Variants in MAP3K5 observed in about 807,000 individuals in gnomAD.
MAP3K5 encodes the protein mitogen-activated protein kinase kinase kinase 5.
A neutral mutation model predicts 158.7 loss-of-function variants in MAP3K5; 56 were observed. The ratio of observed to expected loss-of-function variants is 0.35; its 90% CI spans 0.28 to 0.44. The LOEUF is 0.44. Ranked by LOEUF, MAP3K5 falls within the 20% of genes least tolerant of loss-of-function variation. MAP3K5 has a pLI of 1.00. For missense variants in MAP3K5, 1,294 were observed against 1,674.8 expected (o/e 0.77, Z 3.97); for synonymous variants, 579 against 601.7 (o/e 0.96, Z 0.55).
chr6:136,643,833 A>G (rs1778109782), intron 11 of MAP3K5, among the ~76,000 whole-genome samples: 1 of 152,184 alleles, frequency 6.6e-6, no homozygotes, highest in Admixed American at 6.5e-5. Context: ...TTAAAATAGC[A>G]GACTGCAGCC....
At chr6:136,776,401 CA>C (rs1784405348) in intron 1 of MAP3K5, among the ~76,000 whole-genome samples, 1 of 152,120 alleles carries the variant, frequency 6.6e-6, no homozygotes, top group African/African-American at 2.4e-5. Flanking sequence ...TGTACCACCA[CA>C]ACCAGCAAAT....
At chr6:136,612,766 G>A (rs1288815492) in intron 17 of MAP3K5, among the ~76,000 whole-genome samples, 1 of 151,904 alleles carries the variant, frequency 6.6e-6, no homozygotes, top group Non-Finnish European at 1.5e-5. Flanking sequence ...TAGCTACTAT[G>A]GGCAAGGATA....
At chr6:136,683,604 T>C (rs1780025186) in intron 7 of MAP3K5, among the ~76,000 whole-genome samples, 1 of 152,246 alleles carries the variant, frequency 6.6e-6, no homozygotes, top group Non-Finnish European at 1.5e-5. Flanking sequence ...ACTTGCAATA[T>C]GCCAAGAGCA....
At position 136,557,683 on chromosome 6, in the gene MAP3K5, G is replaced by T. The variant is rs538134839; in HGVS notation, c.*75C>A. 8.3e-5 allele frequency: 88 copies of T among 1,059,280 alleles called. No homozygotes were observed. The highest frequency in any genetic ancestry group is 1.2e-4 in the Non-Finnish European group (82 of 682,220). 65.6% of individuals were successfully genotyped at this position (1,059,280 alleles called of 1,614,324 possible). On this transcript the variant is annotated 3_prime_UTR_variant, in exon 30 of 30. Transcript: ENST00000359015. ...TGCAGCGCCTTTCTCCTCTCCCTTC[G>T]ATTTTCCCACCCCCAAGAAGATCAG...
intron 14 of MAP3K5, among the ~76,000 whole-genome samples, chr6:136,632,097 G>T (rs1192837781): frequency 1.3e-5 from 2 of 152,200 alleles, no homozygotes; most frequent in Non-Finnish European, 2.9e-5. Context: ...AAGCCCAGAG[G>T]CCGGAGAAGC....
chr6:136,667,395 T>C (rs1479687987), intron 8 of MAP3K5, among the ~76,000 whole-genome samples: 2 of 152,162 alleles, frequency 1.3e-5, no homozygotes, highest in Non-Finnish European at 2.9e-5. Flanking sequence ...AATTGCAATG[T>C]ACCTTCTCCG....
intron 7 of MAP3K5, among the ~76,000 whole-genome samples, chr6:136,676,177 G>A (rs1309645308): frequency 6.6e-6 from 1 of 152,170 alleles, no homozygotes; most frequent in African/African-American, 2.4e-5. Context: ...TAACAGCCTT[G>A]CTGACCAATG....
chr6:136,627,272 A>C (rs1314705404), intron 14 of MAP3K5, among the ~76,000 whole-genome samples: 1 of 149,416 alleles, frequency 6.7e-6, no homozygotes, highest in East Asian at 2.0e-4. Flanking sequence ...GAAGAAAAGC[A>C]CTTCTCTGCA....
chr6:136,629,766 C>CTTTTATTTATTT (rs1252412720), intron 14 of MAP3K5, among the ~76,000 whole-genome samples: 29 of 148,246 alleles, frequency 2.0e-4, no homozygotes, highest in African/African-American at 6.3e-4. Flanking sequence ...ATCTCACCTT[C>CTTTTATTTATTT]ATTTATTTAT....
chr6:136,763,707 G>A (rs1018826254), intron 1 of MAP3K5, among the ~76,000 whole-genome samples: 3 of 152,186 alleles, frequency 2.0e-5, no homozygotes, highest in African/African-American at 7.2e-5. Flanking sequence ...TACTGCTGTG[G>A]TTTGAACAGT....
chr6:136,719,368 G>C (rs1376446259), intron 2 of MAP3K5, among the ~76,000 whole-genome samples: 1 of 151,998 alleles, frequency 6.6e-6, no homozygotes, highest in Non-Finnish European at 1.5e-5. Flanking sequence ...AATTAAGGAG[G>C]GGCTTAAGGA....
chr6:136,691,441 A>G (rs1490275612), intron 7 of MAP3K5, among the ~76,000 whole-genome samples: 1 of 151,876 alleles, frequency 6.6e-6, no homozygotes, highest in Non-Finnish European at 1.5e-5. Context: ...GGAAACCCGG[A>G]CTCAACTAAA....
intron 10 of MAP3K5, among the ~76,000 whole-genome samples, chr6:136,653,868 T>C (rs2114421100): frequency 6.6e-6 from 1 of 152,182 alleles, no homozygotes. Context: ...ATTGTACAAT[T>C]TTGTCCTCTG....
chr6:136,688,880 G>A (rs193293482), intron 7 of MAP3K5, among the ~76,000 whole-genome samples: 53 of 152,124 alleles, frequency 3.5e-4, no homozygotes, highest in African/African-American at 1.3e-3. Flanking sequence ...TTTATACTGG[G>A]CATAATGCTT....
At chr6:136,742,985 G>C (rs1782775413) in intron 1 of MAP3K5, among the ~76,000 whole-genome samples, 1 of 151,742 alleles carries the variant, frequency 6.6e-6, no homozygotes, top group Non-Finnish European at 1.5e-5. Context: ...TTAAGGCCAG[G>C]AGTCATGGTA....
intron 8 of MAP3K5, among the ~76,000 whole-genome samples, chr6:136,660,990 C>T (rs1778982591): frequency 6.6e-6 from 1 of 151,292 alleles, no homozygotes; most frequent in Non-Finnish European, 1.5e-5. Context: ...CTTATCTTAA[C>T]ATTTCTTTGT....
At chr6:136,594,308 T>C (rs188101800) in intron 21 of MAP3K5, among the ~76,000 whole-genome samples, 185 of 152,290 alleles carry the variant, frequency 1.2e-3, no homozygotes, top group African/African-American at 3.8e-3. Flanking sequence ...TAAGGTTGTC[T>C]GAGAGAAGAA....
At chr6:136,586,866 T>A (rs1421769998) in intron 23 of MAP3K5, among the ~76,000 whole-genome samples, 1 of 152,190 alleles carries the variant, frequency 6.6e-6, no homozygotes, top group East Asian at 1.9e-4. Context: ...AGCCTACATC[T>A]TTCTCTTGTG....
intron 17 of MAP3K5, among the ~76,000 whole-genome samples, chr6:136,612,666 T>C (rs1323244500): frequency 6.6e-6 from 1 of 152,252 alleles, no homozygotes; most frequent in Non-Finnish European, 1.5e-5. Flanking sequence ...ATAATTATAG[T>C]TAAATCAATG....
Sources: allele counts gnomAD v4.1 joint callset (sites outside exome capture counted in the v4.1 genomes callset), GRCh38; gene constraint gnomAD v4.1.1; transcripts MANE v1.5; gene names NCBI Gene and HGNC (gene_info 2026-07-23, HGNC 2026-07-21).